Variants in STK3 observed in about 807,000 individuals in gnomAD.
The protein encoded by STK3 is serine/threonine-protein kinase 3.
STK3 carries 41 observed loss-of-function variants against 58.0 expected under a neutral mutation model. The ratio of observed to expected loss-of-function variants is 0.71; its 90% CI spans 0.55 to 0.92. The LOEUF is 0.92. STK3 is among the 40% of genes least tolerant of loss of function. STK3 has a pLI of 0.00. For synonymous variants in STK3, 170 were observed against 191.0 expected, an observed-to-expected ratio of 0.89 and a Z score of 0.91; for missense variants, 479 against 602.7, an observed-to-expected ratio of 0.79 and a Z score of 2.15.
chr8:98,456,583 C>G (rs1203227692), intron 10 of STK3, among the ~76,000 whole-genome samples: 9 of 152,196 alleles, frequency 5.9e-5, no homozygotes, highest in Non-Finnish European at 2.9e-5. Context: ...TGGAGTAGGA[C>G]AGTTATGTAA....
chr8:98,587,479 C>G (rs1168974183), intron 7 of STK3, among the ~76,000 whole-genome samples: 2 of 152,020 alleles, frequency 1.3e-5, no homozygotes, highest in Middle Eastern at 3.2e-3. Flanking sequence ...GTTATAATTT[C>G]TGTTCTTTTA....
At chr8:98,442,609 C>T (rs749736163) in intron 1 of STK3, among the ~76,000 whole-genome samples, 47 of 152,342 alleles carry the variant, frequency 3.1e-4, no homozygotes, top group Admixed American at 4.6e-4. Context: ...CTGTTAAACT[C>T]GTTCCTCAGT....
intron 8 of STK3, among the ~76,000 whole-genome samples, chr8:98,561,067 A>G (rs1214424246): frequency 1.3e-5 from 2 of 152,062 alleles, no homozygotes; most frequent in Non-Finnish European, 2.9e-5. Context: ...AGAAAATTGG[A>G]AGATTCAGTG....
chr8:98,447,994 T>C (rs890822724), intron 1 of STK3, among the ~76,000 whole-genome samples: 1 of 143,834 alleles, frequency 7.0e-6, no homozygotes, highest in Non-Finnish European at 1.5e-5. Flanking sequence ...TAAAGCAATA[T>C]AAACTGAAAA....
chr8:98,857,603 T>C (rs1024791054), intron 3 of STK3, among the ~76,000 whole-genome samples: 1 of 152,182 alleles, frequency 6.6e-6, no homozygotes, highest in Non-Finnish European at 1.5e-5. Flanking sequence ...GAATAATAGG[T>C]TTAAACTTCT....
intron 3 of STK3, among the ~76,000 whole-genome samples, chr8:98,868,448 T>TC (rs1837229588): frequency 6.6e-6 from 1 of 152,142 alleles, no homozygotes; most frequent in South Asian, 2.1e-4. Context: ...TTACTGTGTA[T>TC]CCCCCAGCCC....
At chr8:98,490,609 T>C (rs1822612721) in intron 10 of STK3, among the ~76,000 whole-genome samples, 1 of 152,216 alleles carries the variant, frequency 6.6e-6, no homozygotes, top group African/African-American at 2.4e-5. Flanking sequence ...GTTTTGCTAA[T>C]TTTTTAAATC....
chr8:98,480,983 C>T (rs2131278270), intron 10 of STK3, among the ~76,000 whole-genome samples: 1 of 152,132 alleles, frequency 6.6e-6, no homozygotes, highest in East Asian at 1.9e-4. Flanking sequence ...ATTTTTTATA[C>T]TGAAAAAAGA....
At chr8:98,761,566 C>T (rs942627795) in intron 3 of STK3, among the ~76,000 whole-genome samples, 3 of 152,108 alleles carry the variant, frequency 2.0e-5, no homozygotes, top group Non-Finnish European at 4.4e-5. Context: ...TTTTTAATTA[C>T]ATCATTTTCA....
the STK3 span, among the ~76,000 whole-genome samples, chr8:98,346,963 A>G: frequency 6.6e-6 from 1 of 151,844 alleles, no homozygotes; most frequent in Non-Finnish European, 1.5e-5. Context: ...AAGCAAAAAT[A>G]ATAATAATGT....
At chr8:98,642,013 T>C (rs1423433323) in intron 6 of STK3, among the ~76,000 whole-genome samples, 1 of 152,240 alleles carries the variant, frequency 6.6e-6, no homozygotes, top group Admixed American at 6.5e-5. Context: ...AATCACTACA[T>C]GTTGACACTT....
chr8:98,412,923 T>C (rs1010361336), intron 3 of STK3: 18 of 265,110 alleles, frequency 6.8e-5, no homozygotes, highest in Non-Finnish European at 1.0e-4. Context: ...CTTTCTTCTA[T>C]AATTTTTCAC....
chr8:98,815,036 T>C (rs1369212674), intron 1 of STK3, among the ~76,000 whole-genome samples: 1 of 152,342 alleles, frequency 6.6e-6, no homozygotes, highest in South Asian at 2.1e-4. Flanking sequence ...TTATTTTCTA[T>C]CTTTTTCATT....
At chr8:98,587,808 A>C (rs1444711656) in intron 7 of STK3, among the ~76,000 whole-genome samples, 1 of 152,262 alleles carries the variant, frequency 6.6e-6, no homozygotes, top group South Asian at 2.1e-4. Flanking sequence ...TATATTTAGT[A>C]TAGTTAGCTC....
intron 3 of STK3, among the ~76,000 whole-genome samples, chr8:98,419,176 C>T (rs1390985115): frequency 6.6e-6 from 1 of 152,168 alleles, no homozygotes; most frequent in Admixed American, 6.5e-5. Context: ...GCCTGGCCAA[C>T]ATGGTGAAAC....
At chr8:98,802,719 ATAT>A (rs2131632490) in intron 1 of STK3, among the ~76,000 whole-genome samples, 1 of 152,344 alleles carries the variant, frequency 6.6e-6, no homozygotes, top group East Asian at 1.9e-4. Flanking sequence ...CAAACATAAA[ATAT>A]TAATTAGTTA....
At chr8:98,870,755 T>C (rs753908394) in intron 3 of STK3, among the ~76,000 whole-genome samples, 40 of 152,256 alleles carry the variant, frequency 2.6e-4, no homozygotes, top group Non-Finnish European at 5.1e-4. Context: ...CTTTGTCAGA[T>C]GGGTAGATTT....
chr8:98,918,430 C>G (rs1046759175), intron 1 of STK3, among the ~76,000 whole-genome samples: 2 of 152,170 alleles, frequency 1.3e-5, no homozygotes, highest in African/African-American at 2.4e-5. Flanking sequence ...AGATCCAGAA[C>G]TACCTGAAAA....
chr8:98,865,378 C>CT (rs568178453), intron 3 of STK3, among the ~76,000 whole-genome samples: 51 of 149,398 alleles, frequency 3.4e-4, no homozygotes, highest in African/African-American at 1.1e-3. Flanking sequence ...TAGTTTACTA[C>CT]TTTTTTTTTT....
Sources: allele counts gnomAD v4.1 joint callset (sites outside exome capture counted in the v4.1 genomes callset), GRCh38; gene constraint gnomAD v4.1.1; transcripts MANE v1.5; gene names NCBI Gene and HGNC (gene_info 2026-07-23, HGNC 2026-07-21).